CHLSN: variants seen among roughly 807,000 people sequenced by gnomAD.
CHLSN encodes the protein cholesin.
the CHLSN span, among the ~76,000 whole-genome samples, chr7:1,111,361 T>C: frequency 8.2e-3 from 1,248 of 152,368 alleles, 11 homozygotes; most frequent in Non-Finnish European, 0.01. Context: ...TATAACCATC[T>C]TGATGGCAAA....
chr7:1,135,355 TTA>T, the CHLSN span, among the ~76,000 whole-genome samples: 1 of 151,736 alleles, frequency 6.6e-6, no homozygotes, highest in South Asian at 2.1e-4. Flanking sequence ...ATACATATAG[TTA>T]TATATATATA....
At chr7:1,117,504 C>G in the CHLSN span, among the ~76,000 whole-genome samples, 1 of 139,584 alleles carries the variant, frequency 7.2e-6, no homozygotes, top group Non-Finnish European at 1.5e-5. Context: ...CACCGACATC[C>G]ACGCAGGATG....
At chr7:1,039,093 C>T in the CHLSN span, among the ~76,000 whole-genome samples, 1 of 70,550 alleles carries the variant, frequency 1.4e-5, no homozygotes, top group African/African-American at 5.9e-5. Flanking sequence ...CCAGCTGCCC[C>T]GTCCGGGAGG....
chr7:1,132,952 C>T, the CHLSN span, among the ~76,000 whole-genome samples: 75,066 of 151,854 alleles, frequency 0.49, 19,014 homozygotes, highest in African/African-American at 0.56. Flanking sequence ...CAAAGAGAAA[C>T]GAACACATCT....
At chr7:1,017,747 G>T in the CHLSN span, among the ~76,000 whole-genome samples, 8 of 152,292 alleles carry the variant, frequency 5.3e-5, no homozygotes, top group East Asian at 1.5e-3. Flanking sequence ...GGGCAGCCGC[G>T]GACGGCGGGG....
At chr7:1,137,100 G>C in the CHLSN span, among the ~76,000 whole-genome samples, 2 of 152,064 alleles carry the variant, frequency 1.3e-5, no homozygotes, top group Admixed American at 1.3e-4. Context: ...CACTTGGTAA[G>C]GTCCACACGA....
the CHLSN span, among the ~76,000 whole-genome samples, chr7:1,070,669 ACG>A: frequency 6.8e-6 from 1 of 146,422 alleles, no homozygotes; most frequent in African/African-American, 2.5e-5. Context: ...GCACGCACAT[ACG>A]CACACGTGCA....
the CHLSN span, among the ~76,000 whole-genome samples, chr7:1,080,503 G>A: frequency 6.6e-6 from 1 of 152,218 alleles, no homozygotes; most frequent in African/African-American, 2.4e-5. Context: ...GCAGAGTGCA[G>A]CCGCACGGCC....
the CHLSN span, among the ~76,000 whole-genome samples, chr7:1,038,304 G>T: frequency 1.0e-5 from 1 of 99,230 alleles, no homozygotes; most frequent in Non-Finnish European, 2.3e-5. Flanking sequence ...GGAGGGAGGT[G>T]GGGGGGTCAG....
At chr7:1,021,153 C>T in the CHLSN span, among the ~76,000 whole-genome samples, 96 of 151,318 alleles carry the variant, frequency 6.3e-4, 1 homozygote, top group Non-Finnish European at 1.3e-3. Context: ...CCAGTAGGGA[C>T]CTTCTGGTTG....
chr7:1,004,247 C>T, the CHLSN span, among the ~76,000 whole-genome samples: 2 of 152,168 alleles, frequency 1.3e-5, no homozygotes, highest in Non-Finnish European at 2.9e-5. Context: ...GCCATGGCAT[C>T]TGCCTGCTGG....
the CHLSN span, among the ~76,000 whole-genome samples, chr7:1,069,516 C>T: frequency 2.8e-5 from 4 of 143,216 alleles, no homozygotes; most frequent in Non-Finnish European, 4.6e-5. Flanking sequence ...CGCGCCGCCA[C>T]GCCTGACTGG....
At chr7:1,003,051 G>A in the CHLSN span, among the ~76,000 whole-genome samples, 1 of 32,166 alleles carries the variant, frequency 3.1e-5, no homozygotes, top group African/African-American at 1.8e-4. Flanking sequence ...CTGTGGGTGA[G>A]TGGAGTCCTG....
At chr7:1,042,390 C>T in the CHLSN span, among the ~76,000 whole-genome samples, 1 of 152,346 alleles carries the variant, frequency 6.6e-6, no homozygotes, top group South Asian at 2.1e-4. Flanking sequence ...CCACACGCCC[C>T]CCTACGCCCC....
chr7:1,076,254 T>A, the CHLSN span: 1 of 156,748 alleles, frequency 6.4e-6, no homozygotes, highest in Non-Finnish European at 1.4e-5. Context: ...GGGAGGAGCA[T>A]CGCCAGGGAG....
chr7:1,076,891 G>C, the CHLSN span, among the ~76,000 whole-genome samples: 733 of 152,370 alleles, frequency 4.8e-3, 4 homozygotes, highest in African/African-American at 0.017. Flanking sequence ...GACGCTCCTG[G>C]CACAGGCTTA....
At chr7:985,703 C>T in the CHLSN span, among the ~76,000 whole-genome samples, 1 of 152,336 alleles carries the variant, frequency 6.6e-6, no homozygotes, top group South Asian at 2.1e-4. Flanking sequence ...GCCCCAAAAC[C>T]ACAAAAGTTC....
At chr7:1,004,642 G>C in the CHLSN span, among the ~76,000 whole-genome samples, 2 of 152,080 alleles carry the variant, frequency 1.3e-5, no homozygotes, top group African/African-American at 4.8e-5. Flanking sequence ...GGCGGGTGGG[G>C]TGCTCAGTGT....
chr7:1,120,807 G>A, the CHLSN span, among the ~76,000 whole-genome samples: 3 of 145,914 alleles, frequency 2.1e-5, no homozygotes, highest in Non-Finnish European at 3.1e-5. Context: ...CCCAAAAATG[G>A]ATGGACACGG....
Sources: gnomAD v4.1 joint callset for allele counts (sites outside exome capture counted in the v4.1 genomes callset) on GRCh38, gnomAD v4.1.1 for gene constraint, MANE v1.5 for transcripts, NCBI Gene and HGNC (gene_info 2026-07-23, HGNC 2026-07-21) for gene names.